The following NSMCE2 variants were observed in gnomAD, a reference collection of about 807,000 sequenced individuals.
NSMCE2 encodes E3 SUMO-protein ligase NSE2.
In NSMCE2, 24 loss-of-function variants were observed where a neutral mutation model predicts 23.8. That is an observed-to-expected ratio of 1.01 (90% CI 0.73 to 1.42). The LOEUF is 1.42. NSMCE2 is among the 40% of genes most tolerant of loss of function. The pLI is 0.00. For synonymous variants in NSMCE2, 92 were observed against 94.1 expected (o/e 0.98, Z 0.13); for missense variants, 284 against 296.5 (o/e 0.96, Z 0.31).
intron 5 of NSMCE2, among the ~76,000 whole-genome samples, chr8:125,264,417 C>CTTTTT (rs1202603325): frequency 1.3e-5 from 2 of 152,002 alleles, no homozygotes; most frequent in African/African-American, 4.8e-5. Flanking sequence ...TTGTTTTTTC[C>CTTTTT]TTTTTTTGAA....
At chr8:125,203,132 A>T (rs1586606282) in intron 5 of NSMCE2, among the ~76,000 whole-genome samples, 1 of 152,066 alleles carries the variant, frequency 6.6e-6, no homozygotes, top group East Asian at 1.9e-4. Flanking sequence ...ATAGATATAC[A>T]TAGATTTAAA....
intron 3 of NSMCE2, among the ~76,000 whole-genome samples, chr8:125,144,974 T>C (rs886070704): frequency 6.6e-6 from 1 of 152,160 alleles, no homozygotes; most frequent in Non-Finnish European, 1.5e-5. Flanking sequence ...ACTGCTTAGA[T>C]TGCATAATTA....
intron 5 of NSMCE2, among the ~76,000 whole-genome samples, chr8:125,313,899 A>G (rs1227883794): frequency 6.6e-6 from 1 of 152,264 alleles, no homozygotes; most frequent in Non-Finnish European, 1.5e-5. Context: ...AAATAGTGGC[A>G]GAAAGCAACT....
At chr8:125,330,203 GTC>G (rs1193562836) in intron 5 of NSMCE2, among the ~76,000 whole-genome samples, 2 of 123,580 alleles carry the variant, frequency 1.6e-5, no homozygotes, top group East Asian at 5.0e-4. Flanking sequence ...TTTTGAGACA[GTC>G]TCTCTCTGTC....
At chr8:125,114,713 A>T (rs1818912794) in intron 3 of NSMCE2, among the ~76,000 whole-genome samples, 2 of 152,294 alleles carry the variant, frequency 1.3e-5, no homozygotes, top group East Asian at 3.9e-4. Context: ...TGTGCAGCCT[A>T]AGCTGTCATT....
At chr8:125,359,330 CT>C (rs34421417) in intron 7 of NSMCE2, among the ~76,000 whole-genome samples, 6,948 of 102,844 alleles carry the variant, frequency 0.068, 142 homozygotes, top group African/African-American at 0.084. Flanking sequence ...TGCTCTTTCT[CT>C]TTTTTTTTTT....
At chr8:125,286,510 G>T (rs924314121) in intron 5 of NSMCE2, among the ~76,000 whole-genome samples, 1 of 151,420 alleles carries the variant, frequency 6.6e-6, no homozygotes, top group Non-Finnish European at 1.5e-5. Flanking sequence ...ATGGGGTGTT[G>T]CCATGTTGGC....
At chr8:125,139,939 G>A (rs7842181) in intron 3 of NSMCE2, among the ~76,000 whole-genome samples, 138 of 152,268 alleles carry the variant, frequency 9.1e-4, no homozygotes, top group African/African-American at 3.2e-3. Flanking sequence ...TTCTCCTCAG[G>A]TGTAGATGTT....
intron 5 of NSMCE2, among the ~76,000 whole-genome samples, chr8:125,321,911 T>C (rs1272865957): frequency 6.6e-6 from 1 of 152,216 alleles, no homozygotes; most frequent in East Asian, 1.9e-4. Context: ...TGGTATCTCA[T>C]TATGATTTTA....
At chr8:125,327,519 G>GTTT (rs1234748298) in intron 5 of NSMCE2, among the ~76,000 whole-genome samples, 3 of 152,042 alleles carry the variant, frequency 2.0e-5, no homozygotes, top group Non-Finnish European at 4.4e-5. Context: ...TCAGATTAAA[G>GTTT]TAAGAGAGTG....
At chr8:125,251,275 C>T (rs1055676156) in intron 5 of NSMCE2, among the ~76,000 whole-genome samples, 1 of 152,100 alleles carries the variant, frequency 6.6e-6, no homozygotes, top group African/African-American at 2.4e-5. Context: ...AACAAAAATT[C>T]CATTCTCAAT....
At chr8:125,158,968 G>A (rs1821461223) in intron 4 of NSMCE2, among the ~76,000 whole-genome samples, 1 of 152,180 alleles carries the variant, frequency 6.6e-6, no homozygotes, top group South Asian at 2.1e-4. Context: ...TCAGTTATCT[G>A]TGGCCATCTC....
chr8:125,111,357 G>T (rs1044806067), intron 3 of NSMCE2, among the ~76,000 whole-genome samples: 1 of 152,012 alleles, frequency 6.6e-6, no homozygotes, highest in Non-Finnish European at 1.5e-5. Flanking sequence ...TTCTAGTTTT[G>T]TTCCTGAATA....
intron 7 of NSMCE2, among the ~76,000 whole-genome samples, chr8:125,364,492 A>T (rs1334682703): frequency 6.6e-6 from 1 of 152,134 alleles, no homozygotes; most frequent in Non-Finnish European, 1.5e-5. Flanking sequence ...CCTGTGCTTT[A>T]TGGAGAGCTG....
At chr8:125,255,780 G>C (rs978443049) in intron 5 of NSMCE2, among the ~76,000 whole-genome samples, 4 of 152,170 alleles carry the variant, frequency 2.6e-5, no homozygotes, top group Non-Finnish European at 5.9e-5. Flanking sequence ...GTCTGATCAG[G>C]TTTGTGTTTT....
At chr8:125,194,230 C>A (rs1342423381) in intron 5 of NSMCE2, among the ~76,000 whole-genome samples, 3 of 152,130 alleles carry the variant, frequency 2.0e-5, no homozygotes, top group Non-Finnish European at 2.9e-5. Context: ...AAAAAATTCT[C>A]CTGTGCCACT....
In NSMCE2 at chr8:125,355,201, T is replaced by C. The variant is rs540555186; in HGVS notation, c.419-2018T>C. ...ATCTGGCCTAGGTGATGGCCCACAG[T>C]CATCAGTTCTATGGAACCGAAAGGT... On this transcript the variant is annotated intron_variant, in intron 5 of 7. Coordinates refer to ENST00000287437, the MANE Select transcript of NSMCE2 (RefSeq NM_173685.4). Among the ~76,000 whole-genome samples the C allele has an allele frequency of 3.3e-5, 5 of 152,304 alleles. No individual in the cohort carries two copies. The East Asian group carries it at 9.6e-4, about 29-fold the overall frequency.
At chr8:125,214,406 G>A (rs1824484946) in intron 5 of NSMCE2, among the ~76,000 whole-genome samples, 2 of 152,184 alleles carry the variant, frequency 1.3e-5, no homozygotes, top group Admixed American at 1.3e-4. Context: ...AGCATTAAAG[G>A]AATGAGATCA....
chr8:125,266,402 T>C (rs1056660410), intron 5 of NSMCE2, among the ~76,000 whole-genome samples: 1 of 152,260 alleles, frequency 6.6e-6, no homozygotes, highest in African/African-American at 2.4e-5. Flanking sequence ...TCAGAATTCC[T>C]ACAGACTTTA....
Sources: gnomAD v4.1 joint callset for allele counts (sites outside exome capture counted in the v4.1 genomes callset) on GRCh38, gnomAD v4.1.1 for gene constraint, MANE v1.5 for transcripts, NCBI Gene and HGNC (gene_info 2026-07-23, HGNC 2026-07-21) for gene names.